Variants in LRGUK observed in about 807,000 individuals in gnomAD.
LRGUK encodes leucine-rich repeat and guanylate kinase domain-containing protein.
A neutral mutation model predicts 76.0 loss-of-function variants in LRGUK; 65 were observed. The observed-to-expected ratio is 0.85, with a 90% CI of 0.70 to 1.05. The LOEUF (loss-of-function observed/expected upper bound fraction) is 1.05. Among genes scored for constraint, LRGUK ranks in the 50% least tolerant of loss-of-function variants. The pLI, the probability that LRGUK is intolerant of heterozygous loss-of-function variation, is 0.00. For missense variants in LRGUK, 758 were observed against 732.8 expected (o/e 1.03, Z -0.40); for synonymous variants, 268 against 265.6 (o/e 1.01, Z -0.09).
chr7:134,171,575 AAAG>A (rs1799249705), intron 7 of LRGUK, among the ~76,000 whole-genome samples: 1 of 152,214 alleles, frequency 6.6e-6, no homozygotes, highest in African/African-American at 2.4e-5. Context: ...TAAAAGAAGA[AAAG>A]AAGAGGAAGT....
At chr7:134,183,584 A>G (rs1424771838) in intron 10 of LRGUK, 150 bp from the exon 11 acceptor site, 4 of 676,464 alleles carry the variant, frequency 5.9e-6, no homozygotes, top group African/African-American at 1.8e-5. Flanking sequence ...CATATAATCA[A>G]TCTGTTTCTG....
intron 15 of LRGUK, among the ~76,000 whole-genome samples, chr7:134,204,542 T>C (rs2117103321): frequency 6.6e-6 from 1 of 152,338 alleles, no homozygotes; most frequent in African/African-American, 2.4e-5. Flanking sequence ...GCCCCTTTGT[T>C]TTTTTGGCAT....
At chr7:134,245,145 C>T (rs1488459688) in intron 16 of LRGUK, among the ~76,000 whole-genome samples, 1 of 152,104 alleles carries the variant, frequency 6.6e-6, no homozygotes, top group African/African-American at 2.4e-5. Flanking sequence ...TGTAACAAAC[C>T]TGCACGTTGT....
At chr7:134,202,770 G>C (rs993209917) in intron 15 of LRGUK, among the ~76,000 whole-genome samples, 2 of 152,300 alleles carry the variant, frequency 1.3e-5, no homozygotes, top group Non-Finnish European at 2.9e-5. Context: ...AAGTAGAACG[G>C]TAGTTGCCAG....
At chr7:134,246,383 CATCGCT>C (rs1445918788) in intron 16 of LRGUK, among the ~76,000 whole-genome samples, 2 of 152,204 alleles carry the variant, frequency 1.3e-5, no homozygotes, top group Non-Finnish European at 2.9e-5. Flanking sequence ...TCAGTCTTGG[CATCGCT>C]ACAGATCAGT....
At chr7:134,190,461 G>T (rs1321498557) in intron 11 of LRGUK, among the ~76,000 whole-genome samples, 1 of 152,172 alleles carries the variant, frequency 6.6e-6, no homozygotes, top group African/African-American at 2.4e-5. Flanking sequence ...TCCTGCCTTG[G>T]CCTCCCAAAG....
intron 16 of LRGUK, among the ~76,000 whole-genome samples, chr7:134,229,304 A>T (rs917426721): frequency 3.9e-5 from 6 of 152,054 alleles, no homozygotes; most frequent in Admixed American, 3.9e-4. Context: ...CTGGAGTTGC[A>T]GTGAGCTGAG....
rs538410852 is a variant in LRGUK at position 134,186,853 on chromosome 7, G to A, written c.1334+3000G>A. On this transcript the variant is annotated intron_variant, in intron 11 of 15. Transcript: ENST00000645682. Reference sequence around the variant, plus strand: ...ATCCTAAAATTAGCTTCATGCTCCTGTACTGTTACCTCTGCCACTGCTATT... The same window carrying A: ...ATCCTAAAATTAGCTTCATGCTCCTATACTGTTACCTCTGCCACTGCTATT... 2.0e-5 allele frequency among the ~76,000 whole-genome samples: 3 copies of A among 152,292 alleles called. No homozygotes were observed. The South Asian group carries it at 6.2e-4, about 32-fold the overall frequency.
At chr7:134,271,562 A>T in the LRGUK span, among the ~76,000 whole-genome samples, 1 of 151,820 alleles carries the variant, frequency 6.6e-6, no homozygotes, top group South Asian at 2.1e-4. Flanking sequence ...TCTCTCATAG[A>T]TTGTTTCCAT....
At chr7:134,249,513 A>G (rs1189647624) in intron 18 of LRGUK, among the ~76,000 whole-genome samples, 1 of 152,194 alleles carries the variant, frequency 6.6e-6, no homozygotes, top group Non-Finnish European at 1.5e-5. Flanking sequence ...TCTAGTTTCC[A>G]TTAATTTCAT....
At chr7:134,133,344 T>C (rs1358631955) in intron 1 of LRGUK, among the ~76,000 whole-genome samples, 1 of 152,290 alleles carries the variant, frequency 6.6e-6, no homozygotes, top group East Asian at 1.9e-4. Flanking sequence ...ACAATTTGGG[T>C]CTCAATTGAA....
At chr7:134,271,569 C>T in the LRGUK span, among the ~76,000 whole-genome samples, 1 of 151,892 alleles carries the variant, frequency 6.6e-6, no homozygotes, top group South Asian at 2.1e-4. Context: ...TAGATTGTTT[C>T]CATAAATGCT....
chr7:134,163,352 C>T, intron 6 of LRGUK, 45 bp from the exon 7 acceptor site: 1 of 1,529,490 alleles, frequency 6.5e-7, no homozygotes, highest in East Asian at 2.3e-5. Context: ...ACAACTTTTC[C>T]TTGAGAGGTC....
intron 5 of LRGUK, among the ~76,000 whole-genome samples, chr7:134,154,708 A>G (rs1054785281): frequency 1.3e-5 from 2 of 152,216 alleles, no homozygotes; most frequent in African/African-American, 4.8e-5. Flanking sequence ...AGTAACCGCA[A>G]TGGTACCTGC....
chr7:134,267,967 C>G (rs1286765620), downstream of LRGUK, among the ~76,000 whole-genome samples: 1 of 151,986 alleles, frequency 6.6e-6, no homozygotes, highest in Non-Finnish European at 1.5e-5. Flanking sequence ...AAAATATACC[C>G]TATCAAAATT....
chr7:134,201,546 G>A (rs775904177), exon 15 of LRGUK: 3 of 1,613,734 alleles, frequency 1.9e-6, no homozygotes, highest in Admixed American at 1.7e-5. Context: ...ATTGACTGAG[G>A]AACCTGCCAA....
chr7:134,150,978 T>G (rs725392), intron 5 of LRGUK, among the ~76,000 whole-genome samples: 19,689 of 152,140 alleles, frequency 0.13, 1,607 homozygotes, highest in East Asian at 0.32. Context: ...TTTAAAAAAT[T>G]CAAAAACAAT....
chr7:134,249,042 T>C (rs753965524), exon 18 of LRGUK: 28 of 1,595,464 alleles, frequency 1.8e-5, no homozygotes, highest in Non-Finnish European at 2.3e-5. Context: ...TGAAGACTAT[T>C]TTAAACCTCC....
chr7:134,158,217 A>G, intron 6 of LRGUK, 58 bp downstream of exon 6: 2 of 1,466,848 alleles, frequency 1.4e-6, no homozygotes, highest in Non-Finnish European at 1.9e-6. Context: ...TTTAGTAACT[A>G]CATGAATTAT....
Sources: allele counts gnomAD v4.1 joint callset (sites outside exome capture counted in the v4.1 genomes callset), GRCh38; gene constraint gnomAD v4.1.1; transcripts MANE v1.5; gene names NCBI Gene and HGNC (gene_info 2026-07-23, HGNC 2026-07-21).